MOB1A: variants seen among roughly 807,000 people sequenced by gnomAD.
MOB1A encodes the protein MOB kinase activator 1A.
A neutral mutation model predicts 25.1 loss-of-function variants in MOB1A; 10 were observed. That is an observed-to-expected ratio of 0.40 (90% CI 0.25 to 0.68). The LOEUF is 0.68. MOB1A is among the 30% of genes least tolerant of loss of function. The probability of loss-of-function intolerance (pLI) is 0.40; values close to 1 mark genes in which losing one functional copy is unlikely to be tolerated. For synonymous variants in MOB1A, 81 were observed against 79.5 expected, an observed-to-expected ratio of 1.02 and a Z score of -0.10; for missense variants, 177 against 256.3, an observed-to-expected ratio of 0.69 and a Z score of 2.11.
intron 2 of MOB1A, among the ~76,000 whole-genome samples, chr2:74,168,755 A>G (rs528726038): frequency 1.3e-5 from 2 of 152,246 alleles, no homozygotes; most frequent in Non-Finnish European, 2.9e-5. Context: ...TTGTAAAAGG[A>G]ATTTTATACA....
intron 1 of MOB1A, among the ~76,000 whole-genome samples, chr2:74,173,714 G>A (rs558133410): frequency 6.6e-6 from 1 of 151,204 alleles, no homozygotes; most frequent in East Asian, 2.0e-4. Flanking sequence ...ACTTTGGGAG[G>A]CCGAGACGGG....
intron 1 of MOB1A, 79 bp from the exon 2 acceptor site, chr2:74,172,831 T>C (rs1433083199): frequency 1.8e-5 from 25 of 1,388,884 alleles, no homozygotes; most frequent in Non-Finnish European, 2.4e-5. Flanking sequence ...TTTAGGTATA[T>C]AAAGTAGCCT....
intron 4 of MOB1A, chr2:74,163,888 G>A (rs1693051205): frequency 6.6e-6 from 1 of 152,046 alleles, no homozygotes; most frequent in South Asian, 2.1e-4. Flanking sequence ...ATTAAATATA[G>A]TCATAATTAA....
In MOB1A at chr2:74,167,127, G is replaced by C; in HGVS notation, c.182-20C>G. The C allele has an allele frequency of 6.3e-7, 1 of 1,586,758 alleles. No individual in the cohort carries two copies. Among genetic ancestry groups the C allele is most frequent in the Non-Finnish European group, 8.6e-7 (1 of 1,158,570 alleles). On this transcript the variant is annotated intron_variant, in intron 2 of 5. Coordinates refer to ENST00000396049, the MANE Select transcript of MOB1A (RefSeq NM_018221.5). ...CCACAGCTGCAGAGATAATAGAATT[G>C]TGTCAAAATGTCTGTGTAAACACAA... is the stretch of plus-strand genomic sequence containing the variant.
chr2:74,165,740 A>G (rs573179790), intron 3 of MOB1A, among the ~76,000 whole-genome samples: 1 of 152,334 alleles, frequency 6.6e-6, no homozygotes, highest in African/African-American at 2.4e-5. Context: ...ACCCAAGATT[A>G]TAAAACTCTG....
chr2:74,159,825 C>G (rs1393466813), intron 4 of MOB1A, among the ~76,000 whole-genome samples: 1 of 110,092 alleles, frequency 9.1e-6, no homozygotes. Context: ...TTGTCCCCCC[C>G]CCCACCCCGG....
In MOB1A at chr2:74,154,753, G is replaced by C. The variant is rs1692756449; in HGVS notation, c.*1815C>G. 1 of 152,140 alleles carries C rather than the reference G, an allele frequency of 6.6e-6. No homozygotes were observed. Among genetic ancestry groups the C allele is most frequent in the Non-Finnish European group, 1.5e-5 (1 of 68,016 alleles). The allele number at this position is 152,140 out of a possible 1,614,324, so 9.4% of individuals were successfully genotyped here. ...TACCTAGAAACCTGCTTTCTTGTTC[G>C]CAAATGATCAACATGAACATACAGA... is the stretch of plus-strand genomic sequence containing the variant. On this transcript the variant is annotated 3_prime_UTR_variant, in exon 6 of 6. Transcript: ENST00000396049.
At chr2:74,176,456 AAGAC>A (rs989571550) in intron 1 of MOB1A, among the ~76,000 whole-genome samples, 1 of 151,766 alleles carries the variant, frequency 6.6e-6, no homozygotes, top group African/African-American at 2.4e-5. Flanking sequence ...ACAACTCAAA[AAGAC>A]AGCCCAATTT....
Position 74,167,125 on chromosome 2 carries a change from T to G in MOB1A, c.182-18A>C. On this transcript the variant is annotated intron_variant, in intron 2 of 5. Transcript: ENST00000396049. ...ATCCACAGCTGCAGAGATAATAGAATTGTGTCAAAATGTCTGTGTAAACAC... is the reference window on the plus strand; with the variant it reads ...ATCCACAGCTGCAGAGATAATAGAAGTGTGTCAAAATGTCTGTGTAAACAC... 8 of 1,575,040 alleles carry G rather than the reference T, an allele frequency of 5.1e-6. No individual in the cohort carries two copies. Among genetic ancestry groups the G allele is most frequent in the Non-Finnish European group, 7.0e-6 (8 of 1,147,556 alleles).
chr2:74,172,745 G>T lies in MOB1A; in HGVS notation c.22C>A (p.Arg8Ser). The T allele has an allele frequency of 2.5e-6, 4 of 1,612,932 alleles. No homozygotes were observed. The South Asian group carries it at 3.3e-5, about 13-fold the overall frequency. Residue 8 changes from arginine to serine, a missense_variant, in exon 2 of 6, where the codon CGC becomes AGC. Physicochemically the swap from Arg to Ser is moderately radical, Grantham distance 110. Coordinates refer to ENST00000396049, the MANE Select transcript of MOB1A (RefSeq NM_018221.5). ...TTTGGTTTGAATGTTTTAGAAGAGC[G>T]GCTGCTGCTGTAAGATTAAAAGTGC... MSFLFSS[R>S]SSKTFKPKKN...
At chr2:74,165,110 A>T (rs1645008661) in intron 4 of MOB1A, 108 bp downstream of exon 4, 1 of 781,030 alleles carries the variant, frequency 1.3e-6, no homozygotes, top group Non-Finnish European at 1.9e-6. Context: ...ACTTGAGGCC[A>T]GGAGTTTGAG....
At chr2:74,166,018 A>G (rs1296299731) in intron 3 of MOB1A, among the ~76,000 whole-genome samples, 2 of 152,212 alleles carry the variant, frequency 1.3e-5, no homozygotes, top group East Asian at 3.9e-4. Flanking sequence ...TTTCCTTTAC[A>G]CTTGTAGCAA....
intron 1 of MOB1A, among the ~76,000 whole-genome samples, chr2:74,176,868 T>C (rs1693488539): frequency 6.6e-6 from 1 of 151,950 alleles, no homozygotes; most frequent in African/African-American, 2.4e-5. Context: ...CACTTTGAAG[T>C]TTGGCAGTTC....
chr2:74,158,837 C>T (rs941928620), intron 5 of MOB1A, among the ~76,000 whole-genome samples: 15 of 151,136 alleles, frequency 9.9e-5, no homozygotes, highest in Admixed American at 2.0e-4. Context: ...CAACAGGCCA[C>T]AACCCTGAAT....
rs1192706344 is a variant in MOB1A at position 74,178,774 on chromosome 2, C to T, written c.-100G>A. On this transcript the variant is annotated 5_prime_UTR_variant, in exon 1 of 6. Coordinates refer to ENST00000396049, the MANE Select transcript of MOB1A (RefSeq NM_018221.5). ...CGGACCGTCCTTAGCTCACGGGCAG[C>T]GGAAGCCGGGCCGCCGCCGCTCGGA... is the stretch of plus-strand genomic sequence containing the variant. 8.6e-6 allele frequency: 3 copies of T among 347,212 alleles called. No homozygotes were observed. The highest frequency in any genetic ancestry group is 1.4e-5 in the Non-Finnish European group (3 of 220,278). The allele number at this position is 347,212 out of a possible 1,614,324, so 21.5% of individuals were successfully genotyped here. A position where few individuals can be genotyped will look rare whatever the true frequency, so the allele number is the denominator to read the frequency against.
intron 4 of MOB1A, among the ~76,000 whole-genome samples, chr2:74,160,773 G>C (rs1261711336): frequency 6.6e-6 from 1 of 152,018 alleles, no homozygotes. Flanking sequence ...GTGGAGATGG[G>C]GATCCAACTG....
intron 4 of MOB1A, chr2:74,164,222 G>T (rs766049151): frequency 6.6e-6 from 1 of 151,934 alleles, no homozygotes; most frequent in African/African-American, 2.4e-5. Flanking sequence ...AGCATTCAGG[G>T]AAAAAAAACT....
intron 5 of MOB1A, among the ~76,000 whole-genome samples, chr2:74,158,176 T>G (rs1692854142): frequency 9.6e-6 from 1 of 104,420 alleles, no homozygotes; most frequent in South Asian, 2.7e-4. Context: ...CAAGACTCTG[T>G]CTCCAAAAAA....
chr2:74,165,368 T>C lies in MOB1A; in HGVS notation c.276-17A>G. On this transcript the variant is annotated splice_polypyrimidine_tract_variant and intron_variant, in intron 3 of 5. Transcript: ENST00000396049. ...TATTCATATCTGAAGAGAAAAATGTTTTACTGATAAATTTTTCAAAAATAT... is the reference window on the plus strand; with the variant it reads ...TATTCATATCTGAAGAGAAAAATGTCTTACTGATAAATTTTTCAAAAATAT... The C allele has an allele frequency of 6.9e-7, 1 of 1,447,828 alleles. No homozygotes were observed. The highest frequency in any genetic ancestry group is 9.2e-7 in the Non-Finnish European group (1 of 1,089,738). The allele number at this position is 1,447,828 out of a possible 1,614,324, so 89.7% of individuals were successfully genotyped here. A position where few individuals can be genotyped will look rare whatever the true frequency, so the allele number is the denominator to read the frequency against.
Sources: gnomAD v4.1 joint callset for allele counts (sites outside exome capture counted in the v4.1 genomes callset) on GRCh38, gnomAD v4.1.1 for gene constraint, MANE v1.5 for transcripts, NCBI Gene and HGNC (gene_info 2026-07-23, HGNC 2026-07-21) for gene names.